MBD5: variants seen among roughly 807,000 people sequenced by gnomAD.
The protein encoded by MBD5 is methyl-CpG binding domain protein 5, also known as methyl-CpG-binding domain protein 5.
A neutral mutation model predicts 117.3 loss-of-function variants in MBD5; 13 were observed. That is an observed-to-expected ratio of 0.11 (90% CI 0.07 to 0.18). The LOEUF (loss-of-function observed/expected upper bound fraction) is 0.18. Ranked by LOEUF, MBD5 falls within the 10% of genes least tolerant of loss-of-function variation. The probability of loss-of-function intolerance (pLI) is 1.00; values close to 1 mark genes in which losing one functional copy is unlikely to be tolerated. For missense variants in MBD5, 1,879 were observed against 2,093.8 expected (o/e 0.90, Z 2.00); for synonymous variants, 727 against 766.4 (o/e 0.95, Z 0.85).
At chr2:148,122,474 T>C (rs1361549440) in intron 1 of MBD5, among the ~76,000 whole-genome samples, 1 of 152,194 alleles carries the variant, frequency 6.6e-6, no homozygotes, top group Non-Finnish European at 1.5e-5. Flanking sequence ...TCTTTGCCTC[T>C]CTACTTACGA....
intron 4 of MBD5, among the ~76,000 whole-genome samples, chr2:148,362,976 A>G (rs909212689): frequency 2.0e-5 from 3 of 152,212 alleles, no homozygotes; most frequent in South Asian, 4.1e-4. Flanking sequence ...CAGAGACCCC[A>G]TCTGAAGGTC....
At chr2:148,133,380 T>C (rs1697095821) in intron 1 of MBD5, among the ~76,000 whole-genome samples, 1 of 152,238 alleles carries the variant, frequency 6.6e-6, no homozygotes, top group Non-Finnish European at 1.5e-5. Flanking sequence ...CAGTAGAATA[T>C]TGAGATATGA....
At chr2:148,271,122 G>A (rs1462050088) in intron 3 of MBD5, among the ~76,000 whole-genome samples, 1 of 152,078 alleles carries the variant, frequency 6.6e-6, no homozygotes, top group Non-Finnish European at 1.5e-5. Context: ...TGTAATTGAT[G>A]TTTCAGTTTC....
At chr2:148,422,162 C>T (rs980357743) in intron 4 of MBD5, among the ~76,000 whole-genome samples, 1 of 152,196 alleles carries the variant, frequency 6.6e-6, no homozygotes, top group Non-Finnish European at 1.5e-5. Flanking sequence ...TAGGGGCTGA[C>T]AGACACCTCA....
At chr2:148,220,109 C>T (rs1327612330) in intron 2 of MBD5, 1 of 152,178 alleles carries the variant, frequency 6.6e-6, no homozygotes, top group Admixed American at 6.6e-5. Context: ...ACTCTTCCCA[C>T]TGTATCACAC....
At chr2:148,025,403 C>A (rs1354153683) in intron 1 of MBD5, 1 of 151,712 alleles carries the variant, frequency 6.6e-6, no homozygotes, top group South Asian at 2.1e-4. Context: ...ATACTGTATT[C>A]TAGGGATTTA....
chr2:148,233,785 G>T (rs1044965071), intron 3 of MBD5, among the ~76,000 whole-genome samples: 1 of 152,088 alleles, frequency 6.6e-6, no homozygotes, highest in Admixed American at 6.6e-5. Flanking sequence ...TTTAGAGTTA[G>T]TCATACTATT....
At chr2:148,373,856 G>A (rs946833236) in intron 4 of MBD5, among the ~76,000 whole-genome samples, 13 of 152,158 alleles carry the variant, frequency 8.5e-5, no homozygotes, top group Non-Finnish European at 1.5e-4. Flanking sequence ...CTTATTTAGT[G>A]TGTTTCTTTC....
chr2:148,485,685 G>A (rs1681314396), intron 9 of MBD5, 57 bp from the exon 10 acceptor site: 2 of 1,281,048 alleles, frequency 1.6e-6, no homozygotes, highest in Non-Finnish European at 2.2e-6. Context: ...TACAAAGAGA[G>A]GCATCGAATC....
At chr2:148,063,701 C>A (rs1015463537) in intron 1 of MBD5, among the ~76,000 whole-genome samples, 1 of 151,678 alleles carries the variant, frequency 6.6e-6, no homozygotes, top group Admixed American at 6.6e-5. Flanking sequence ...CTATTGGTGG[C>A]CTTTCCCACC....
At chr2:148,282,908 C>T (rs78054544) in intron 3 of MBD5, among the ~76,000 whole-genome samples, 2 of 127,626 alleles carry the variant, frequency 1.6e-5, no homozygotes, top group East Asian at 5.9e-4. Context: ...CGCCCCCCCC[C>T]ATCAGATGCA....
At chr2:148,480,589 A>G (rs1574473491) in intron 8 of MBD5, among the ~76,000 whole-genome samples, 2 of 152,258 alleles carry the variant, frequency 1.3e-5, no homozygotes, top group Admixed American at 6.5e-5. Context: ...AAGGTTTAAT[A>G]AAAGTTTTAA....
At chr2:148,289,489 T>A (rs1022802084) in intron 3 of MBD5, among the ~76,000 whole-genome samples, 3 of 152,160 alleles carry the variant, frequency 2.0e-5, no homozygotes, top group Non-Finnish European at 4.4e-5. Context: ...AATCAATGTA[T>A]GTATGCCATA....
intron 1 of MBD5, among the ~76,000 whole-genome samples, chr2:148,056,699 A>G (rs1400448437): frequency 2.0e-5 from 3 of 151,880 alleles, no homozygotes; most frequent in African/African-American, 4.8e-5. Context: ...TAGTTTTGGC[A>G]TTTTGCATTT....
chr2:148,409,999 C>A (rs930479113), intron 4 of MBD5, among the ~76,000 whole-genome samples: 1 of 151,984 alleles, frequency 6.6e-6, no homozygotes, highest in Admixed American at 6.6e-5. Flanking sequence ...TCAATGCTAC[C>A]AAGAATATCA....
intron 4 of MBD5, among the ~76,000 whole-genome samples, chr2:148,374,313 G>A (rs1703937503): frequency 6.6e-6 from 1 of 151,254 alleles, no homozygotes; most frequent in African/African-American, 2.4e-5. Context: ...TTACTACAAA[G>A]TCAGATGGTG....
intron 4 of MBD5, among the ~76,000 whole-genome samples, chr2:148,398,479 G>C (rs1704805746): frequency 6.6e-6 from 1 of 152,116 alleles, no homozygotes; most frequent in Non-Finnish European, 1.5e-5. Flanking sequence ...CATATCCTTA[G>C]CCCACTTTTT....
chr2:148,280,587 T>C (rs1701225957), intron 3 of MBD5, among the ~76,000 whole-genome samples: 1 of 152,034 alleles, frequency 6.6e-6, no homozygotes, highest in African/African-American at 2.4e-5. Flanking sequence ...GTGCGCTCCC[T>C]GCCCAGCTTA....
chr2:148,198,516 T>G (rs1206579389), intron 2 of MBD5, among the ~76,000 whole-genome samples: 1 of 152,146 alleles, frequency 6.6e-6, no homozygotes, highest in Non-Finnish European at 1.5e-5. Flanking sequence ...AAGTCTAGGT[T>G]TTCTCCTATA....
Sources: gnomAD v4.1 joint callset for allele counts (sites outside exome capture counted in the v4.1 genomes callset) on GRCh38, gnomAD v4.1.1 for gene constraint, MANE v1.5 for transcripts, NCBI Gene and HGNC (gene_info 2026-07-23, HGNC 2026-07-21) for gene names.